TCF12: variants seen among roughly 807,000 people sequenced by gnomAD.
The protein encoded by TCF12 is transcription factor 12, also known as DNA-binding protein HTF4.
A neutral mutation model predicts 86.0 loss-of-function variants in TCF12; 45 were observed. That is an observed-to-expected ratio of 0.52 (90% CI 0.41 to 0.67). TCF12 has a LOEUF of 0.67. Ranked by LOEUF, TCF12 falls within the 30% of genes least tolerant of loss-of-function variation. TCF12 has a pLI of 0.00. For synonymous variants in TCF12, 330 were observed against 299.6 expected (o/e 1.10, Z -1.05); for missense variants, 881 against 859.9 (o/e 1.02, Z -0.31).
At chr15:57,122,941 A>C (rs1411427385) in intron 5 of TCF12, among the ~76,000 whole-genome samples, 1 of 152,240 alleles carries the variant, frequency 6.6e-6, no homozygotes, top group Non-Finnish European at 1.5e-5. Context: ...ACTAAAAAAC[A>C]GCTTTTTAAA....
chr15:56,980,792 T>G (rs1186249776), intron 3 of TCF12, among the ~76,000 whole-genome samples: 1 of 152,250 alleles, frequency 6.6e-6, no homozygotes, highest in Non-Finnish European at 1.5e-5. Flanking sequence ...TTTGGCTGTT[T>G]ACTCATGTGG....
intron 3 of TCF12, among the ~76,000 whole-genome samples, 186 bp downstream of exon 3, chr15:56,921,284 A>G (rs1378369930): frequency 6.6e-6 from 1 of 152,152 alleles, no homozygotes; most frequent in Non-Finnish European, 1.5e-5. Flanking sequence ...ATCTGTAGGA[A>G]ATCAGTAGTT....
intron 5 of TCF12, among the ~76,000 whole-genome samples, chr15:57,144,079 C>G (rs1362732107): frequency 6.6e-6 from 1 of 152,198 alleles, no homozygotes; most frequent in African/African-American, 2.4e-5. Flanking sequence ...TCCACCTTCA[C>G]ATGCACTGGG....
At chr15:57,077,375 A>G (rs868222216) in intron 4 of TCF12, among the ~76,000 whole-genome samples, 454 of 27,160 alleles carry the variant, frequency 0.017, 8 homozygotes, top group Non-Finnish European at 0.028. Flanking sequence ...GTGTGTGTGT[A>G]TATATATTTT....
At chr15:57,278,365 T>C (rs2061499974) in intron 19 of TCF12, among the ~76,000 whole-genome samples, 1 of 152,142 alleles carries the variant, frequency 6.6e-6, no homozygotes, top group Non-Finnish European at 1.5e-5. Context: ...AATTAATTGA[T>C]GATGTGTTCA....
chr15:57,076,540 C>G (rs2070061889), intron 4 of TCF12, among the ~76,000 whole-genome samples: 1 of 151,558 alleles, frequency 6.6e-6, no homozygotes, highest in Non-Finnish European at 1.5e-5. Context: ...GTAGTCCCAG[C>G]TACTGGGGAG....
At chr15:57,248,890 C>G (rs1198917013) in intron 13 of TCF12, among the ~76,000 whole-genome samples, 1 of 152,120 alleles carries the variant, frequency 6.6e-6, no homozygotes, top group Admixed American at 6.6e-5. Flanking sequence ...AATGAACAAT[C>G]TCAAAAACAG....
intron 4 of TCF12, among the ~76,000 whole-genome samples, chr15:57,087,077 C>T (rs911479984): frequency 1.4e-5 from 2 of 143,560 alleles, no homozygotes; most frequent in Non-Finnish European, 3.0e-5. Context: ...CTCTCTCTCC[C>T]TCTGTCTCCC....
chr15:56,920,464 CTTTTA>C (rs1595679579), intron 2 of TCF12, among the ~76,000 whole-genome samples: 2 of 137,620 alleles, frequency 1.5e-5, no homozygotes, highest in South Asian at 2.4e-4. Flanking sequence ...AAACAGAGTA[CTTTTA>C]TTTTATACAC....
At chr15:57,068,154 A>G (rs1476987190) in intron 4 of TCF12, among the ~76,000 whole-genome samples, 1 of 152,184 alleles carries the variant, frequency 6.6e-6, no homozygotes, top group Admixed American at 6.5e-5. Flanking sequence ...TGGACAAGTT[A>G]TTTAAATCTA....
chr15:57,175,090 G>T (rs1200923611), intron 6 of TCF12, among the ~76,000 whole-genome samples: 1 of 152,180 alleles, frequency 6.6e-6, no homozygotes, highest in Non-Finnish European at 1.5e-5. Flanking sequence ...TGATATACAG[G>T]ATATATAAAG....
At chr15:56,955,101 C>T (rs569629165) in intron 3 of TCF12, among the ~76,000 whole-genome samples, 7 of 152,220 alleles carry the variant, frequency 4.6e-5, no homozygotes, top group East Asian at 1.9e-4. Context: ...CACATGCACA[C>T]GTATGTTTAT....
At chr15:56,940,653 CTCCTCCCTA>C (rs2060718413) in intron 3 of TCF12, among the ~76,000 whole-genome samples, 1 of 148,326 alleles carries the variant, frequency 6.7e-6, no homozygotes, top group Non-Finnish European at 1.5e-5. Flanking sequence ...CCTTCTCCCT[CTCCTCCCTA>C]TCCTTCTCCC....
intron 3 of TCF12, among the ~76,000 whole-genome samples, chr15:56,974,670 A>ATCT: frequency 6.6e-6 from 1 of 152,186 alleles, no homozygotes. Flanking sequence ...ACTAGTTTGT[A>ATCT]AGTTTTTATA....
At chr15:56,991,175 A>G (rs2063442531) in intron 3 of TCF12, among the ~76,000 whole-genome samples, 1 of 152,194 alleles carries the variant, frequency 6.6e-6, no homozygotes, top group South Asian at 2.1e-4. Flanking sequence ...TCATGTAATG[A>G]AAGATGATAT....
intron 7 of TCF12, among the ~76,000 whole-genome samples, 171 bp from the exon 8 acceptor site, chr15:57,197,602 T>C (rs1027194334): frequency 6.6e-6 from 1 of 152,256 alleles, no homozygotes; most frequent in Non-Finnish European, 1.5e-5. Context: ...GAACCTGTTT[T>C]TCACTGGGAC....
At chr15:57,150,510 T>A (rs1352710041) in intron 5 of TCF12, among the ~76,000 whole-genome samples, 1 of 152,162 alleles carries the variant, frequency 6.6e-6, no homozygotes, top group Non-Finnish European at 1.5e-5. Context: ...TCCAAGTCAC[T>A]TAACTGCTTG....
chr15:57,154,074 G>A (rs149321599), intron 5 of TCF12, among the ~76,000 whole-genome samples: 14 of 151,940 alleles, frequency 9.2e-5, no homozygotes, highest in Non-Finnish European at 2.1e-4. Context: ...AATAGTAGAC[G>A]TGTAAGAAAA....
At chr15:57,230,908 G>A (rs544923998) in intron 8 of TCF12, among the ~76,000 whole-genome samples, 1 of 151,694 alleles carries the variant, frequency 6.6e-6, no homozygotes, top group South Asian at 2.1e-4. Flanking sequence ...ATACCAAGAT[G>A]CATTACAGAG....
Sources: allele counts gnomAD v4.1 joint callset (sites outside exome capture counted in the v4.1 genomes callset), GRCh38; gene constraint gnomAD v4.1.1; transcripts MANE v1.5; gene names NCBI Gene and HGNC (gene_info 2026-07-23, HGNC 2026-07-21).